Variants in CNTLN observed in about 807,000 individuals in gnomAD.
CNTLN encodes centlein, centrosomal protein.
Under a neutral mutation model 180.0 loss-of-function variants are expected in CNTLN, and 212 were observed. The ratio of observed to expected loss-of-function variants is 1.18; its 90% CI spans 1.05 to 1.32. The LOEUF (loss-of-function observed/expected upper bound fraction) is 1.32. Ranked by LOEUF, CNTLN falls within the 40% of genes most tolerant of loss-of-function variation. The pLI, the probability that CNTLN is intolerant of heterozygous loss-of-function variation, is 0.00. For missense variants in CNTLN, 2,095 were observed against 1,610.9 expected, an observed-to-expected ratio of 1.30 and a Z score of -5.14; for synonymous variants, 722 against 563.1, an observed-to-expected ratio of 1.28 and a Z score of -3.99.
the CNTLN span, among the ~76,000 whole-genome samples, chr9:17,519,378 G>A: frequency 2.0e-5 from 3 of 151,688 alleles, no homozygotes; most frequent in Admixed American, 2.0e-4. Flanking sequence ...TACTCACAAG[G>A]GAAAATAAAA....
At chr9:17,224,778 T>C (rs1262965351) in intron 2 of CNTLN, among the ~76,000 whole-genome samples, 1 of 152,072 alleles carries the variant, frequency 6.6e-6, no homozygotes, top group Non-Finnish European at 1.5e-5. Context: ...TTACGGACCT[T>C]TAACTTACTT....
At chr9:17,140,415 A>C (rs928969498) in intron 1 of CNTLN, among the ~76,000 whole-genome samples, 1 of 152,096 alleles carries the variant, frequency 6.6e-6, no homozygotes, top group African/African-American at 2.4e-5. Flanking sequence ...ATCACAAAAA[A>C]ATGGTGGGTG....
At chr9:17,371,284 A>T (rs1824295352) in intron 13 of CNTLN, among the ~76,000 whole-genome samples, 1 of 152,122 alleles carries the variant, frequency 6.6e-6, no homozygotes, top group Admixed American at 6.5e-5. Context: ...GGAAAAAGAT[A>T]CTCCATGCCA....
At chr9:17,419,251 G>A (rs1359642476) in intron 18 of CNTLN, among the ~76,000 whole-genome samples, 1 of 152,076 alleles carries the variant, frequency 6.6e-6, no homozygotes, top group Non-Finnish European at 1.5e-5. Context: ...AGCAGGTACT[G>A]TAAATATCAT....
At chr9:17,279,734 G>A (rs1181924844) in intron 6 of CNTLN, among the ~76,000 whole-genome samples, 4 of 151,790 alleles carry the variant, frequency 2.6e-5, no homozygotes, top group African/African-American at 7.3e-5. Flanking sequence ...TTAATCACAT[G>A]GCCTACTCAA....
intron 7 of CNTLN, chr9:17,299,427 C>G: frequency 1.0e-5 from 10 of 971,034 alleles, no homozygotes; most frequent in Non-Finnish European, 1.2e-5. Context: ...TCTAGAATTA[C>G]TGGATTTTTA....
intron 2 of CNTLN, among the ~76,000 whole-genome samples, chr9:17,187,460 T>G (rs1259203202): frequency 6.6e-6 from 1 of 152,042 alleles, no homozygotes; most frequent in Non-Finnish European, 1.5e-5. Flanking sequence ...ATGGGGTCAT[T>G]ATAGAAAATT....
chr9:17,380,711 A>G (rs1258120038), intron 13 of CNTLN, among the ~76,000 whole-genome samples: 3 of 152,326 alleles, frequency 2.0e-5, no homozygotes, highest in African/African-American at 7.2e-5. Context: ...ATTTCTTACC[A>G]TGTTCGTCAT....
At chr9:17,459,441 T>C (rs937962353) in intron 19 of CNTLN, among the ~76,000 whole-genome samples, 2 of 151,840 alleles carry the variant, frequency 1.3e-5, no homozygotes, top group Non-Finnish European at 1.5e-5. Flanking sequence ...CCAAACTGTA[T>C]AGGGACAAAA....
chr9:17,136,096 T>G (rs1167682053), intron 1 of CNTLN, among the ~76,000 whole-genome samples: 1 of 152,240 alleles, frequency 6.6e-6, no homozygotes, highest in African/African-American at 2.4e-5. Flanking sequence ...CTTTCCTGTT[T>G]GTAGAGTTTT....
chr9:17,304,854 A>G (rs1181322664), intron 7 of CNTLN, among the ~76,000 whole-genome samples: 1 of 152,120 alleles, frequency 6.6e-6, no homozygotes, highest in East Asian at 1.9e-4. Context: ...GAGGATGTAC[A>G]TAGGTTATAA....
At chr9:17,357,665 G>C (rs562074063) in intron 12 of CNTLN, among the ~76,000 whole-genome samples, 3 of 148,438 alleles carry the variant, frequency 2.0e-5, no homozygotes, top group African/African-American at 7.4e-5. Flanking sequence ...AATTACATAA[G>C]AAAATCTTGA....
chr9:17,416,713 T>C (rs1323241989), intron 18 of CNTLN, among the ~76,000 whole-genome samples: 1 of 152,184 alleles, frequency 6.6e-6, no homozygotes, highest in African/African-American at 2.4e-5. Flanking sequence ...GTCAACATTA[T>C]ACCTTACTCC....
chr9:17,199,596 A>G (rs1187446053), intron 2 of CNTLN, among the ~76,000 whole-genome samples: 1 of 152,166 alleles, frequency 6.6e-6, no homozygotes, highest in Non-Finnish European at 1.5e-5. Flanking sequence ...ATGACCAGAG[A>G]TGATGAGCTT....
intron 2 of CNTLN, among the ~76,000 whole-genome samples, chr9:17,215,849 G>A (rs987040415): frequency 6.6e-6 from 1 of 152,176 alleles, no homozygotes; most frequent in Non-Finnish European, 1.5e-5. Context: ...GACCCTCTGA[G>A]CCAGGCGCGG....
At chr9:17,315,385 G>A (rs1167284196) in intron 8 of CNTLN, among the ~76,000 whole-genome samples, 3 of 151,948 alleles carry the variant, frequency 2.0e-5, no homozygotes, top group African/African-American at 2.4e-5. Context: ...TCCTTTTTGT[G>A]TTTACTTTTT....
chr9:17,153,079 A>G (rs1453313296), intron 2 of CNTLN, among the ~76,000 whole-genome samples: 5 of 152,170 alleles, frequency 3.3e-5, no homozygotes, highest in African/African-American at 1.2e-4. Flanking sequence ...TCTCCTGAAT[A>G]CAGCACACTG....
chr9:17,318,420 A>C (rs1819680810), intron 8 of CNTLN, among the ~76,000 whole-genome samples: 1 of 152,178 alleles, frequency 6.6e-6, no homozygotes, highest in Admixed American at 6.5e-5. Flanking sequence ...CAAATTTAAC[A>C]GGCAATTGTA....
intron 25 of CNTLN, among the ~76,000 whole-genome samples, chr9:17,498,028 C>T (rs1386443105): frequency 6.6e-6 from 1 of 152,100 alleles, no homozygotes. Context: ...ATATTCTTCA[C>T]TTTCAATATA....
Sources: allele counts gnomAD v4.1 joint callset (sites outside exome capture counted in the v4.1 genomes callset), GRCh38; gene constraint gnomAD v4.1.1; transcripts MANE v1.5; gene names NCBI Gene and HGNC (gene_info 2026-07-23, HGNC 2026-07-21).